HTRA3: variants seen among roughly 807,000 people sequenced by gnomAD.
The protein encoded by HTRA3 is HtrA serine peptidase 3, also known as serine protease HTRA3.
Under a neutral mutation model 43.2 loss-of-function variants are expected in HTRA3, and 41 were observed. That is an observed-to-expected ratio of 0.95 (90% CI 0.74 to 1.23). The LOEUF (loss-of-function observed/expected upper bound fraction) is 1.23, where lower values mean the gene tolerates loss of function less well. Ranked by LOEUF, HTRA3 falls within the 50% of genes most tolerant of loss-of-function variation. HTRA3 has a pLI of 0.00. For synonymous variants in HTRA3, 295 were observed against 287.9 expected (o/e 1.02, Z -0.25); for missense variants, 628 against 647.1 (o/e 0.97, Z 0.32).
chr4:8,304,176 C>T lies in HTRA3; in HGVS notation c.1101-8C>T. 6.2e-7 allele frequency: 1 copy of T among 1,613,440 alleles called. No homozygotes were observed. The highest frequency in any genetic ancestry group is 8.5e-7 in the Non-Finnish European group (1 of 1,179,432). On this transcript the variant is annotated splice_region_variant and splice_polypyrimidine_tract_variant and intron_variant, in intron 7 of 8. Coordinates refer to ENST00000307358, the MANE Select transcript of HTRA3 (RefSeq NM_053044.5). ...AGGGGAGGGGCCTTGACGGCAGACT[C>T]TTTCCAGCCTGGTGGATGAGCTGAA...
At chr4:8,285,259 A>G in intron 2 of HTRA3, among the ~76,000 whole-genome samples, 1 of 152,200 alleles carries the variant, frequency 6.6e-6, no homozygotes, top group East Asian at 1.9e-4. Context: ...ACTTGGCCGT[A>G]TCTCTTGGCA....
intron 8 of HTRA3, 50 bp from the exon 9 acceptor site, chr4:8,305,921 G>A (rs773490924): frequency 1.7e-5 from 27 of 1,608,114 alleles, no homozygotes; most frequent in Non-Finnish European, 2.2e-5. Flanking sequence ...GCCTGGGAAG[G>A]CTGTGCCTGG....
At position 8,286,666 on chromosome 4, in the gene HTRA3, T is replaced by C. The variant is rs1220346776; in HGVS notation, c.591T>C (p.Ser197=). 2.5e-6 allele frequency: 4 copies of C among 1,614,166 alleles called. No homozygotes were observed. In the South Asian group the frequency reaches 3.3e-5, roughly 13 times the overall value. ...ATGCCCACGTGGTGTCCAGCAACAG[T>C]GCTGCCCCGGGCAGGCAGCAGCTCA... ...ITNAHVVSSN[S]AAPGRQQLKV... The change falls in exon 3 of 9, where the codon AGT becomes AGC. Residue 197 remains serine (S), a synonymous_variant. Coordinates refer to ENST00000307358, the MANE Select transcript of HTRA3 (RefSeq NM_053044.5). The surrounding 1 kb of genome is among the most constrained non-coding windows in gnomAD (Gnocchi z 4.9).
rs770027496 is a variant in HTRA3 at position 8,282,434 on chromosome 4, C to A, written c.386-3C>A. The A allele has an allele frequency of 1.2e-6, 2 of 1,611,912 alleles. No homozygotes were observed. Among genetic ancestry groups the A allele is most frequent in the Non-Finnish European group, 1.7e-6 (2 of 1,178,924 alleles). ...ATGCACCTGGCCCTTCCCGCCAGCG[C>A]AGGTCTCCACCAGCTGAGCAGCCCG... On this transcript the variant is annotated splice_region_variant and splice_polypyrimidine_tract_variant and intron_variant, in intron 1 of 8. Transcript: ENST00000307358.
In HTRA3 at chr4:8,270,223, G is replaced by T. The variant is rs745340174; in HGVS notation, c.255G>T (p.Trp85Cys). Residue 85 changes from tryptophan to cysteine, a missense_variant, in exon 1 of 9, where the codon TGG (tryptophan) becomes TGT (cysteine). Physicochemically the swap from Trp to Cys is radical, Grantham distance 215. Transcript: ENST00000307358. The stretch of plus-strand genomic sequence containing the variant: ...TGCGCGGCCTATGCCGCTGCCGCTG[G>T]TCGCACGCCGTGTGTGGCACCGACG... ...ECVRGLCRCRWSHAVCGTDGH... is the reference protein window; with the variant it reads ...ECVRGLCRCRCSHAVCGTDGH... The T allele has an allele frequency of 2.0e-6, 3 of 1,535,416 alleles. No individual in the cohort carries two copies. Among genetic ancestry groups the T allele is most frequent in the Non-Finnish European group, 2.6e-6 (3 of 1,152,152 alleles).
At chr4:8,305,902 C>A in intron 8 of HTRA3, 69 bp from the exon 9 acceptor site, 1 of 1,578,480 alleles carries the variant, frequency 6.3e-7, no homozygotes, top group South Asian at 1.1e-5. Flanking sequence ...GTGCCTCGCT[C>A]TGGGCCGGGC....
rs1299840153 is a variant in HTRA3, at chr4:8,286,798, G to A, written c.708+15G>A. On this transcript the variant is annotated intron_variant, in intron 3 of 8. Transcript: ENST00000307358. The surrounding 1 kb of genome is among the most constrained non-coding windows in gnomAD (Gnocchi z 4.9). The stretch of plus-strand genomic sequence containing the variant: ...TCCATCCCAAGGTGGGTGGGCGTGG[G>A]TGGAGGGGCGGAAGCACCTGGGGCT... 3.1e-6 allele frequency: 5 copies of A among 1,593,922 alleles called. No individual in the cohort carries two copies. The highest frequency in any genetic ancestry group is 2.2e-5 in the East Asian group (1 of 44,544).
In HTRA3 at chr4:8,297,865, C is replaced by T. The variant is rs992127218; in HGVS notation, c.1051+3664C>T. On this transcript the variant is annotated intron_variant, in intron 6 of 8. Transcript: ENST00000307358. This position sits in a 1 kb window ranked among gnomAD's most constrained non-coding sequence, Gnocchi z 5.8. The stretch of plus-strand genomic sequence containing the variant: ...CCCACCAATGTCCACAGGCAGTTCC[C>T]ACTAAGAGCACCTGTCAAGACCCCC... 6.6e-6 allele frequency among the ~76,000 whole-genome samples: 1 copy of T among 152,164 alleles called. No individual in the cohort carries two copies. The highest frequency in any genetic ancestry group is 2.4e-5 in the African/African-American group (1 of 41,430).
chr4:8,294,494 A>G (rs541212493), intron 6 of HTRA3, among the ~76,000 whole-genome samples: 33 of 150,820 alleles, frequency 2.2e-4, no homozygotes, highest in Middle Eastern at 6.9e-3. Context: ...AGCTCCCACC[A>G]TCAGCTTCCT....
In HTRA3 at chr4:8,286,126, T is replaced by C. The variant is rs900878902; in HGVS notation, c.486-435T>C. On this transcript the variant is annotated intron_variant, in intron 2 of 8. Coordinates refer to ENST00000307358, the MANE Select transcript of HTRA3 (RefSeq NM_053044.5). The surrounding 1 kb of genome is among the most constrained non-coding windows in gnomAD (Gnocchi z 4.9). ...AGGCATCACCACTCGGCGGAGGAGG[T>C]GTTGTTGTCCCATTTCCCAAATGGG... 2.0e-5 allele frequency among the ~76,000 whole-genome samples: 3 copies of C among 151,848 alleles called. No homozygotes were observed. Among genetic ancestry groups the C allele is most frequent in the African/African-American group, 7.3e-5 (3 of 41,294 alleles).
At chr4:8,302,541 T>C (rs370724094) in intron 7 of HTRA3, 30 bp downstream of exon 7, 1 of 1,608,448 alleles carries the variant, frequency 6.2e-7, no homozygotes, top group Non-Finnish European at 8.5e-7. Context: ...CATCCCCTGC[T>C]ACCCCTTCCT....
chr4:8,302,652 C>T, intron 7 of HTRA3, 141 bp downstream of exon 7: 1 of 756,906 alleles, frequency 1.3e-6, no homozygotes. Context: ...CTGACCGTTG[C>T]TCAGGCCAGT....
intron 1 of HTRA3, among the ~76,000 whole-genome samples, chr4:8,273,537 C>T (rs13105264): frequency 0.29 from 43,400 of 149,794 alleles, 6,647 homozygotes; most frequent in South Asian, 0.49. Flanking sequence ...CCCGCACCCC[C>T]GCCCCAGTAA....
intron 6 of HTRA3, among the ~76,000 whole-genome samples, chr4:8,301,630 T>C (rs1713660616): frequency 6.6e-6 from 1 of 152,200 alleles, no homozygotes; most frequent in Admixed American, 6.5e-5. Flanking sequence ...ACTGAGGTTA[T>C]TGATTTGAGA....
At position 8,296,556 on chromosome 4, in the gene HTRA3, T is replaced by C. The variant is rs1419884395; in HGVS notation, c.1051+2355T>C. The C allele has an allele frequency of 1.0e-6, 1 of 984,468 alleles. No individual in the cohort carries two copies. Among genetic ancestry groups the C allele is most frequent in the South Asian group, 4.7e-5 (1 of 21,268 alleles). 61.0% of individuals were successfully genotyped at this position (984,468 alleles called of 1,614,324 possible). ...GTTAAGTGCATTTATTATTCTCGTC[T>C]GGAGGTGGGGTGCAGAGGCCTCTGA... On this transcript the variant is annotated intron_variant, in intron 6 of 8. Transcript: ENST00000307358. This position sits in a 1 kb window ranked among gnomAD's most constrained non-coding sequence, Gnocchi z 5.3.
intron 1 of HTRA3, among the ~76,000 whole-genome samples, chr4:8,275,179 C>T (rs1453529043): frequency 1.3e-5 from 2 of 152,230 alleles, no homozygotes; most frequent in Non-Finnish European, 2.9e-5. Context: ...GAGCTGAGAC[C>T]AGGGCGCTGT....
chr4:8,285,415 G>A (rs1254096312), intron 2 of HTRA3, among the ~76,000 whole-genome samples: 2 of 152,196 alleles, frequency 1.3e-5, no homozygotes, highest in African/African-American at 2.4e-5. Flanking sequence ...TGCAGAGACT[G>A]TCACCTCCCT....
At position 8,297,576 on chromosome 4, in the gene HTRA3, T is replaced by C. The variant is rs1247564246; in HGVS notation, c.1051+3375T>C. Reference sequence around the variant, plus strand: ...TGTGGCCTCGAGGGTGAGGGCTGCATGACGGGGCAGGAGACCTCTCTGAGG... The same window carrying C: ...TGTGGCCTCGAGGGTGAGGGCTGCACGACGGGGCAGGAGACCTCTCTGAGG... On this transcript the variant is annotated intron_variant, in intron 6 of 8. Transcript: ENST00000307358. The surrounding 1 kb of genome is among the most constrained non-coding windows in gnomAD (Gnocchi z 5.8). Among the ~76,000 whole-genome samples the C allele has an allele frequency of 1.3e-5, 2 of 151,966 alleles. No individual in the cohort carries two copies. The highest frequency in any genetic ancestry group is 4.8e-5 in the African/African-American group (2 of 41,384).
In HTRA3 at chr4:8,270,206, C is replaced by T; in HGVS notation, c.238C>T (p.Leu80=). The part of the protein sequence containing the change: ...CGESLECVRG[L]CRCRWSHAVC... ...CGAGAGCCTGGAGTGCGTGCGCGGC[C>T]TATGCCGCTGCCGCTGGTCGCACGC... The change falls in exon 1 of 9, where the codon CTA becomes TTA. Residue 80 remains leucine, a synonymous_variant. Coordinates refer to ENST00000307358, the MANE Select transcript of HTRA3 (RefSeq NM_053044.5). The T allele has an allele frequency of 6.5e-7, 1 of 1,542,304 alleles. No homozygotes were observed. Among genetic ancestry groups the T allele is most frequent in the Non-Finnish European group, 8.7e-7 (1 of 1,156,036 alleles).
Sources: gnomAD v4.1 joint callset for allele counts (sites outside exome capture counted in the v4.1 genomes callset) on GRCh38, gnomAD v4.1.1 for gene constraint, Gnocchi (gnomAD v3.1) non-coding constraint, MANE v1.5 for transcripts, NCBI Gene and HGNC (gene_info 2026-07-23, HGNC 2026-07-21) for gene names.